ATM: variants seen among roughly 807,000 people sequenced by gnomAD.
ATM encodes ATM serine/threonine kinase, also known as serine-protein kinase ATM.
A neutral mutation model predicts 387.0 loss-of-function variants in ATM; 308 were observed. The observed-to-expected ratio is 0.80, with a 90% CI of 0.73 to 0.87. ATM has a LOEUF of 0.87. Among genes scored for constraint, ATM ranks in the 40% least tolerant of loss-of-function variants. The pLI, the probability that ATM is intolerant of heterozygous loss-of-function variation, is 0.00. For missense variants in ATM, 3,312 were observed against 3,560.9 expected (o/e 0.93, Z 1.78); for synonymous variants, 1,156 against 1,187.3 (o/e 0.97, Z 0.54).
At chr11:108,300,878 CTTTTTTTTTTTTT>C (rs11305754) in intron 34 of ATM, among the ~76,000 whole-genome samples, 15 of 102,676 alleles carry the variant, frequency 1.5e-4, no homozygotes, top group Admixed American at 7.1e-4. Flanking sequence ...TCATCTCTCT[CTTTTTTTTTTTTT>C]TTTTTTTTTG....
chr11:108,368,330 C>G lies in ATM; in HGVS notation c.*2822C>G. 1 of 201,300 alleles carries G rather than the reference C, an allele frequency of 5.0e-6. No individual in the cohort carries two copies. The allele number at this position is 201,300 out of a possible 1,614,324, so 12.5% of individuals were successfully genotyped here. A position where few individuals can be genotyped will look rare whatever the true frequency, so the allele number is the denominator to read the frequency against. ...AGGTTTTGGCAAGCTGGAACTCTTT[C>G]TGCAAATGACTAAGATAGAAAACTG... On this transcript the variant is annotated 3_prime_UTR_variant, in exon 63 of 63. Coordinates refer to ENST00000675843, the MANE Select transcript of ATM (RefSeq NM_000051.4).
intron 20 of ATM, among the ~76,000 whole-genome samples, chr11:108,272,262 T>C (rs1309241062): frequency 6.6e-6 from 1 of 152,244 alleles, no homozygotes; most frequent in African/African-American, 2.4e-5. Context: ...GTAAGTTTAC[T>C]GTAATGTAGT....
chr11:108,341,706 G>A, intron 56 of ATM, among the ~76,000 whole-genome samples: 1 of 152,068 alleles, frequency 6.6e-6, no homozygotes, highest in Non-Finnish European at 1.5e-5. Context: ...TTAATATAAA[G>A]AACAAGGGAT....
intron 27 of ATM, among the ~76,000 whole-genome samples, chr11:108,288,045 A>G (rs1205279266): frequency 6.7e-6 from 1 of 150,266 alleles, no homozygotes; most frequent in Admixed American, 6.6e-5. Flanking sequence ...TCTTCTCTTT[A>G]TCTAGGTCTT....
intron 16 of ATM, among the ~76,000 whole-genome samples, chr11:108,266,099 G>A (rs375423820): frequency 5.9e-5 from 9 of 151,328 alleles, no homozygotes; most frequent in East Asian, 3.9e-4. Flanking sequence ...ATCTAGAACT[G>A]GAAATACCAT....
At chr11:108,229,623 G>A (rs924956931) in intron 4 of ATM, 11 of 265,074 alleles carry the variant, frequency 4.1e-5, no homozygotes, top group African/African-American at 2.0e-4. Flanking sequence ...AATATTACAA[G>A]TTCAAATATT....
chr11:108,306,486 A>G (rs530161815), intron 37 of ATM, among the ~76,000 whole-genome samples: 5 of 152,314 alleles, frequency 3.3e-5, no homozygotes, highest in Admixed American at 3.3e-4. Context: ...TAAGGTAATC[A>G]TTGTTTATGA....
chr11:108,252,303 T>G (rs959688789), intron 11 of ATM, among the ~76,000 whole-genome samples: 10 of 152,226 alleles, frequency 6.6e-5, no homozygotes, highest in Non-Finnish European at 1.3e-4. Flanking sequence ...TGTTCCTTTC[T>G]GATTTTTTAA....
intron 49 of ATM, among the ~76,000 whole-genome samples, chr11:108,329,563 G>A (rs2086047272): frequency 6.6e-6 from 1 of 151,924 alleles, no homozygotes. Flanking sequence ...ACAGGTGCAC[G>A]CCATACCTGG....
chr11:108,267,150 C>G (rs1191337346), intron 16 of ATM, 21 bp from the exon 17 acceptor site: 5 of 1,613,132 alleles, frequency 3.1e-6, no homozygotes, highest in Non-Finnish European at 4.2e-6. Context: ...TCTTGAACAT[C>G]TTTGTTTCTC....
chr11:108,310,794 ATTTC>A (rs1317928556), intron 39 of ATM, among the ~76,000 whole-genome samples: 3 of 152,174 alleles, frequency 2.0e-5, no homozygotes, highest in African/African-American at 7.2e-5. Context: ...ATTAAGTTTC[ATTTC>A]TTTATCTACC....
At chr11:108,321,150 C>A (rs1416957803) in intron 44 of ATM, 151 bp from the exon 45 acceptor site, 2 of 1,015,922 alleles carry the variant, frequency 2.0e-6, no homozygotes, top group East Asian at 2.7e-5. Context: ...TATTTTGTTT[C>A]CACTGCTATT....
At chr11:108,278,548 T>C (rs1257792912) in intron 22 of ATM, among the ~76,000 whole-genome samples, 1 of 152,180 alleles carries the variant, frequency 6.6e-6, no homozygotes, top group African/African-American at 2.4e-5. Flanking sequence ...GGCTGGATAT[T>C]TACAAAGAAA....
At chr11:108,226,914 A>G (rs974852299) in intron 1 of ATM, 4 of 152,146 alleles carry the variant, frequency 2.6e-5, no homozygotes, top group Non-Finnish European at 5.9e-5. Context: ...TAAATCCTTG[A>G]GTGCTCATTT....
intron 16 of ATM, among the ~76,000 whole-genome samples, chr11:108,266,855 G>A (rs1287045855): frequency 6.7e-6 from 1 of 150,158 alleles, no homozygotes; most frequent in African/African-American, 2.5e-5. Flanking sequence ...GAGTGCAGTG[G>A]CATGATCTCA....
intron 27 of ATM, among the ~76,000 whole-genome samples, chr11:108,288,476 G>T (rs1045694239): frequency 1.4e-5 from 2 of 141,560 alleles, no homozygotes; most frequent in South Asian, 2.3e-4. Context: ...TGGCTTGATT[G>T]TAAGCTACTT....
intron 43 of ATM, 131 bp downstream of exon 43, chr11:108,317,652 T>TATATATATATATACACACACACAC (rs1399501257): frequency 2.5e-5 from 3 of 118,376 alleles, no homozygotes; most frequent in South Asian, 2.9e-4. Context: ...TATATATATA[T>TATATATATATATACACACACACAC]ACACACACAC....
Position 108,365,520 on chromosome 11 carries a change from T to C in ATM, c.*12T>C, listed in dbSNP as rs779766044. On this transcript the variant is annotated 3_prime_UTR_variant, in exon 63 of 63. Transcript: ENST00000675843. ...AAGCTTGGGTGTGATCTTCAGTATA[T>C]GAATTACCCTTTCATTCAGCCTTTA... 6.2e-7 allele frequency: 1 copy of C among 1,613,482 alleles called. No individual in the cohort carries two copies. The highest frequency in any genetic ancestry group is 1.3e-5 in the African/African-American group (1 of 74,928).
At chr11:108,360,208 A>C (rs1486951566) in intron 61 of ATM, among the ~76,000 whole-genome samples, 7 of 150,456 alleles carry the variant, frequency 4.7e-5, no homozygotes, top group Non-Finnish European at 8.9e-5. Flanking sequence ...GAAATGGATA[A>C]ATTCCTCGAC....
Sources: gnomAD v4.1 joint callset for allele counts (sites outside exome capture counted in the v4.1 genomes callset) on GRCh38, gnomAD v4.1.1 for gene constraint, MANE v1.5 for transcripts, NCBI Gene and HGNC (gene_info 2026-07-23, HGNC 2026-07-21) for gene names.